The following PARD6G variants were observed in gnomAD, a reference collection of about 807,000 sequenced individuals.
PARD6G encodes the protein partitioning defective 6 homolog gamma.
In PARD6G, 7 loss-of-function variants were observed where a neutral mutation model predicts 10.7. The observed-to-expected ratio is 0.66, with a 90% confidence interval of 0.37 to 1.23. The LOEUF is 1.23. PARD6G is among the 50% of genes most tolerant of loss of function. PARD6G has a pLI of 0.02. For missense variants in PARD6G, 548 were observed against 571.8 expected (o/e 0.96, Z 0.42); for synonymous variants, 287 against 269.4 (o/e 1.07, Z -0.64).
intron 2 of PARD6G, among the ~76,000 whole-genome samples, chr18:80,174,693 G>A (rs557319463): frequency 1.2e-4 from 18 of 151,930 alleles, no homozygotes; most frequent in Non-Finnish European, 7.4e-5. Flanking sequence ...GGTGGCTCAC[G>A]CCTGTAATCC....
At chr18:80,167,631 C>G (rs1233278044) in intron 2 of PARD6G, among the ~76,000 whole-genome samples, 1 of 152,130 alleles carries the variant, frequency 6.6e-6, no homozygotes, top group East Asian at 1.9e-4. Flanking sequence ...CCAGGCCTGT[C>G]CTCTCTTCCT....
At chr18:80,240,290 A>G (rs1166548211) in intron 1 of PARD6G, among the ~76,000 whole-genome samples, 1 of 152,252 alleles carries the variant, frequency 6.6e-6, no homozygotes, top group African/African-American at 2.4e-5. Context: ...AATAGTTCCC[A>G]AAAGTCCTAA....
intron 2 of PARD6G, among the ~76,000 whole-genome samples, chr18:80,166,345 TC>T (rs1394749104): frequency 6.6e-6 from 1 of 151,160 alleles, no homozygotes; most frequent in Non-Finnish European, 1.5e-5. Flanking sequence ...CAAGTGTCTC[TC>T]TCAGCAGCCC....
At position 80,160,624 on chromosome 18, in the gene PARD6G, GT is replaced by G; in HGVS notation, c.296-19del. On this transcript the variant is annotated intron_variant, in intron 2 of 2. Coordinates refer to ENST00000353265, the MANE Select transcript of PARD6G (RefSeq NM_032510.4). ...GGCCTCCTCTGCGGGAGAGGGGACA[GT>G]TAGAGGGGACACACAACCGAGCCCC... The G allele has an allele frequency of 7.0e-7, 1 of 1,435,554 alleles. No individual in the cohort carries two copies. The highest frequency in any genetic ancestry group is 9.1e-7 in the Non-Finnish European group (1 of 1,100,366). The allele number at this position is 1,435,554 out of a possible 1,614,324, so 88.9% of individuals were successfully genotyped here.
chr18:80,186,133 CGT>C (rs2052875270), intron 2 of PARD6G, among the ~76,000 whole-genome samples: 1 of 145,586 alleles, frequency 6.9e-6, no homozygotes, highest in African/African-American at 2.5e-5. Flanking sequence ...CCCACACATG[CGT>C]ATACCCTCAC....
At chr18:80,245,786 C>T (rs936019540) in intron 1 of PARD6G, among the ~76,000 whole-genome samples, 5 of 152,156 alleles carry the variant, frequency 3.3e-5, no homozygotes, top group African/African-American at 1.2e-4. Flanking sequence ...CCTCACCTAA[C>T]CCACAGCTGG....
At chr18:80,241,666 AG>A (rs1967491641) in intron 1 of PARD6G, among the ~76,000 whole-genome samples, 2 of 152,278 alleles carry the variant, frequency 1.3e-5, no homozygotes, top group Admixed American at 1.3e-4. Flanking sequence ...GCAGGGCCGC[AG>A]GGTGTGTGTT....
At chr18:80,234,276 A>T (rs1967394012) in intron 1 of PARD6G, among the ~76,000 whole-genome samples, 1 of 152,196 alleles carries the variant, frequency 6.6e-6, no homozygotes, top group African/African-American at 2.4e-5. Context: ...GAGGGACCCC[A>T]GAGATTGATC....
In PARD6G at chr18:80,182,773, G is replaced by T; in HGVS notation, c.295+19937C>A. 1 of 235,352 alleles carries T rather than the reference G, an allele frequency of 4.2e-6. No individual in the cohort carries two copies. The highest frequency in any genetic ancestry group is 8.2e-6 in the Non-Finnish European group (1 of 121,622). 14.6% of individuals were successfully genotyped at this position (235,352 alleles called of 1,614,324 possible). Reference sequence around the variant, plus strand: ...CTCTCGTGTCAGGTGCATCCACGGGGCTTATCAAAGCTCTGTTTTATTCTT... The same window carrying T: ...CTCTCGTGTCAGGTGCATCCACGGGTCTTATCAAAGCTCTGTTTTATTCTT... On this transcript the variant is annotated intron_variant, in intron 2 of 2. Coordinates refer to ENST00000353265, the MANE Select transcript of PARD6G (RefSeq NM_032510.4). The surrounding 1 kb of genome is among the most constrained non-coding windows in gnomAD (Gnocchi z 4.5).
intron 1 of PARD6G, among the ~76,000 whole-genome samples, chr18:80,244,358 G>A (rs1967520663): frequency 6.6e-6 from 1 of 152,084 alleles, no homozygotes; most frequent in Non-Finnish European, 1.5e-5. Flanking sequence ...AAAAATGTTT[G>A]GAGAAGTATA....
At chr18:80,195,563 A>G (rs1243108433) in intron 2 of PARD6G, among the ~76,000 whole-genome samples, 3 of 111,394 alleles carry the variant, frequency 2.7e-5, no homozygotes, top group African/African-American at 1.2e-4. Flanking sequence ...ATATATATAT[A>G]TATATATATA....
intron 1 of PARD6G, among the ~76,000 whole-genome samples, chr18:80,226,146 C>T: frequency 7.4e-6 from 1 of 134,642 alleles, no homozygotes; most frequent in Non-Finnish European, 1.5e-5. Context: ...TAACCAATGA[C>T]TTCAGTTTTT....
At chr18:80,229,310 A>C (rs1967333016) in intron 1 of PARD6G, among the ~76,000 whole-genome samples, 1 of 152,212 alleles carries the variant, frequency 6.6e-6, no homozygotes, top group African/African-American at 2.4e-5. Context: ...AAACACACAC[A>C]CAAAAACACA....
At position 80,179,038 on chromosome 18, in the gene PARD6G, A is replaced by G. The variant is rs546739607; in HGVS notation, c.296-18432T>C. ...CACCACTGACAGTTTCCCATTTCATATATTTTTTCCGAGGCCACGAAGAGG... is the reference window on the plus strand; with the variant it reads ...CACCACTGACAGTTTCCCATTTCATGTATTTTTTCCGAGGCCACGAAGAGG... On this transcript the variant is annotated intron_variant, in intron 2 of 2. Coordinates refer to ENST00000353265, the MANE Select transcript of PARD6G (RefSeq NM_032510.4). Among the ~76,000 whole-genome samples the G allele has an allele frequency of 8.5e-5, 13 of 152,102 alleles. No individual in the cohort carries two copies. In the South Asian group the frequency reaches 2.3e-3, roughly 27 times the overall value.
chr18:80,208,904 C>A (rs1967081012), intron 1 of PARD6G, among the ~76,000 whole-genome samples: 1 of 152,084 alleles, frequency 6.6e-6, no homozygotes, highest in Non-Finnish European at 1.5e-5. Context: ...CGAGACCAGT[C>A]TGGCCAACAT....
intron 2 of PARD6G, chr18:80,202,498 T>C (rs1001058006): frequency 2.0e-6 from 1 of 505,904 alleles, no homozygotes; most frequent in Non-Finnish European, 3.6e-6. Flanking sequence ...TTCTTCAGTA[T>C]TTAAAAGTCA....
Position 80,184,038 on chromosome 18 carries a change from C to A in PARD6G, c.295+18672G>T, listed in dbSNP as rs2052860572. ...AGAACTCTGTTTTTCTTGGTCCAAACCAGAGGAAATTTATTGTCCAAACCA... is the reference window on the plus strand; with the variant it reads ...AGAACTCTGTTTTTCTTGGTCCAAAACAGAGGAAATTTATTGTCCAAACCA... On this transcript the variant is annotated intron_variant, in intron 2 of 2. Transcript: ENST00000353265. This position sits in a 1 kb window ranked among gnomAD's most constrained non-coding sequence, Gnocchi z 4.5. The A allele has an allele frequency of 6.6e-6, 1 of 152,158 alleles. No individual in the cohort carries two copies. The highest frequency in any genetic ancestry group is 1.5e-5 in the Non-Finnish European group (1 of 68,030). The allele number at this position is 152,158 out of a possible 1,614,324, so 9.4% of individuals were successfully genotyped here. A position where few individuals can be genotyped will look rare whatever the true frequency, so the allele number is the denominator to read the frequency against.
chr18:80,230,374 T>C (rs1175613487), intron 1 of PARD6G, among the ~76,000 whole-genome samples: 1 of 152,196 alleles, frequency 6.6e-6, no homozygotes, highest in Non-Finnish European at 1.5e-5. Flanking sequence ...GTCATCCTAA[T>C]GAGGAACCTG....
intron 1 of PARD6G, among the ~76,000 whole-genome samples, chr18:80,235,143 A>C (rs1231074174): frequency 6.6e-6 from 1 of 152,246 alleles, no homozygotes; most frequent in Non-Finnish European, 1.5e-5. Flanking sequence ...AAGAATAGAA[A>C]TTATAACAAA....
Sources: allele counts gnomAD v4.1 joint callset (sites outside exome capture counted in the v4.1 genomes callset), GRCh38; gene constraint gnomAD v4.1.1; non-coding constraint Gnocchi (gnomAD v3.1); transcripts MANE v1.5; gene names NCBI Gene and HGNC (gene_info 2026-07-23, HGNC 2026-07-21).